HSPG2: variants seen among roughly 807,000 people sequenced by gnomAD.
The protein encoded by HSPG2 is heparan sulfate proteoglycan 2.
A neutral mutation model predicts 526.6 loss-of-function variants in HSPG2; 278 were observed. That is an observed-to-expected ratio of 0.53 (90% CI 0.48 to 0.58). The LOEUF is 0.58. HSPG2 is among the 20% of genes least tolerant of loss of function. The probability of loss-of-function intolerance (pLI) is 0.00; values close to 1 mark genes in which losing one functional copy is unlikely to be tolerated. For synonymous variants in HSPG2, 2,465 were observed against 2,555.4 expected, an observed-to-expected ratio of 0.96 and a Z score of 1.07; for missense variants, 5,354 against 6,099.5, an observed-to-expected ratio of 0.88 and a Z score of 4.07.
rs766978758 is a variant in HSPG2, at chr1:21,839,264, C to T, written c.9889+107G>A. 38 of 1,459,692 alleles carry T rather than the reference C, an allele frequency of 2.6e-5. No individual in the cohort carries two copies. The highest frequency in any genetic ancestry group is 2.9e-5 in the Non-Finnish European group (31 of 1,054,956). 90.4% of individuals were successfully genotyped at this position (1,459,692 alleles called of 1,614,324 possible). ...CAGGGCAGGCTCCAGGACCCTGCAG[C>T]GCCTGGAGACCTCTGGATGGGGTTC... On this transcript the variant is annotated intron_variant, in intron 73 of 96. Coordinates refer to ENST00000374695, the MANE Select transcript of HSPG2 (RefSeq NM_005529.7). The surrounding 1 kb of genome is among the most constrained non-coding windows in gnomAD (Gnocchi z 4.5).
chr1:21,898,636 G>A lies in HSPG2; in HGVS notation c.64-2326C>T, dbSNP rs2152775957. Among the ~76,000 whole-genome samples, 1 of 152,322 alleles carries A rather than the reference G, an allele frequency of 6.6e-6. No individual in the cohort carries two copies. The highest frequency in any genetic ancestry group is 2.1e-4 in the South Asian group (1 of 4,824). On this transcript the variant is annotated intron_variant, in intron 1 of 96. Transcript: ENST00000374695. This position sits in a 1 kb window ranked among gnomAD's most constrained non-coding sequence, Gnocchi z 4.0. ...GCGCTCTGCCTCCTTCCCTGGGTGGGGTAAAGGGCAGTGTTCCCACTGGCT... is the reference window on the plus strand; with the variant it reads ...GCGCTCTGCCTCCTTCCCTGGGTGGAGTAAAGGGCAGTGTTCCCACTGGCT...
chr1:21,933,647 A>AG (rs1557844411), intron 1 of HSPG2, among the ~76,000 whole-genome samples: 1 of 152,238 alleles, frequency 6.6e-6, no homozygotes, highest in Non-Finnish European at 1.5e-5. Context: ...CAAGCCAGGC[A>AG]GGGGCCACAA....
chr1:21,912,084 TTATTAA>T (rs1351037590), intron 1 of HSPG2, among the ~76,000 whole-genome samples: 1 of 152,158 alleles, frequency 6.6e-6, no homozygotes, highest in Non-Finnish European at 1.5e-5. Context: ...CTATCATATT[TTATTAA>T]TAAGTCAAAG....
chr1:21,827,251 A>G (rs2097980318), intron 91 of HSPG2, among the ~76,000 whole-genome samples: 1 of 152,202 alleles, frequency 6.6e-6, no homozygotes, highest in African/African-American at 2.4e-5. Flanking sequence ...ATAAAATTTT[A>G]TCCAAATCTT....
In HSPG2 at chr1:21,861,788, C is replaced by G. The variant is rs528077703; in HGVS notation, c.4924G>C (p.Glu1642Gln). Residue 1642 changes from glutamate to glutamine, a missense_variant, in exon 39 of 97, where the codon GAA (glutamate) becomes CAA (glutamine). Glu to Gln is a conservative substitution (Grantham distance 29). Coordinates refer to ENST00000374695, the MANE Select transcript of HSPG2 (RefSeq NM_005529.7). ...CAGTACTGGCCAGTGTAGCCGGGTT[C>G]GCAGGCCGTGCAGCGGTACCCGCCG... ...GAGGYRCTAC[E>Q]PGYTGQYCEQ... is the part of the protein sequence containing the mutation. 1.9e-6 allele frequency: 3 copies of G among 1,613,886 alleles called. No individual in the cohort carries two copies. The highest frequency in any genetic ancestry group is 1.7e-6 in the Non-Finnish European group (2 of 1,180,008).
rs781626513 is a variant in HSPG2, at chr1:21,879,112, G to A, written c.2353C>T (p.His785Tyr). The A allele has an allele frequency of 6.2e-7, 1 of 1,614,204 alleles. No homozygotes were observed. The highest frequency in any genetic ancestry group is 2.2e-5 in the East Asian group (1 of 44,884). ...TTGCACTGTGGCCCCTCCGTGTTGT[G>A]CTGGCAATTCTAGAAGAAGGAGGAG... ...PVYGHCLNCQ[H>Y]NTEGPQCNKC... Residue 785 changes from histidine (H) to tyrosine (Y), a missense_variant, in exon 18 of 97, where the codon CAC (histidine) becomes TAC (tyrosine). His to Tyr is a moderately conservative substitution (Grantham distance 83, BLOSUM62 2). Coordinates refer to ENST00000374695, the MANE Select transcript of HSPG2 (RefSeq NM_005529.7).
chr1:21,834,351 G>A (rs2152696256), intron 77 of HSPG2, among the ~76,000 whole-genome samples: 1 of 152,306 alleles, frequency 6.6e-6, no homozygotes, highest in South Asian at 2.1e-4. Context: ...TCTGTTTGTT[G>A]ACTGGGTTAT....
In HSPG2 at chr1:21,823,631, C is replaced by T. The variant is rs769986876; in HGVS notation, c.12988G>A (p.Gly4330Ser). The T allele has an allele frequency of 1.2e-6, 2 of 1,613,790 alleles. No individual in the cohort carries two copies. Among genetic ancestry groups the T allele is most frequent in the Non-Finnish European group, 1.7e-6 (2 of 1,179,932 alleles). Reference protein sequence around the residue: ...PGPNVAVNAKGSVYIGGAPDV... With the variant: ...PGPNVAVNAKSSVYIGGAPDV... ...CCAGACTTACCGATGTAGACGCTGC[C>T]CTTGGCGTTGACTGCCACGTTGGGA... is the stretch of plus-strand genomic sequence containing the variant. Residue 4330 changes from glycine (G) to serine (S), a missense_variant, in exon 96 of 97, where the codon GGC becomes AGC. Gly to Ser is a moderately conservative substitution (Grantham distance 56). Coordinates refer to ENST00000374695, the MANE Select transcript of HSPG2 (RefSeq NM_005529.7).
intron 44 of HSPG2, among the ~76,000 whole-genome samples, chr1:21,856,144 A>G (rs529326862): frequency 6.6e-6 from 1 of 151,978 alleles, no homozygotes; most frequent in South Asian, 2.1e-4. Flanking sequence ...TCCTACCCTG[A>G]TCCACCACAT....
rs1321291210 is a variant in HSPG2, at chr1:21,875,999, C to T, written c.3047G>A (p.Arg1016Lys). The T allele has an allele frequency of 1.9e-6, 3 of 1,614,136 alleles. No individual in the cohort carries two copies. The highest frequency in any genetic ancestry group is 1.6e-4 in the Middle Eastern group (1 of 6,062). Residue 1016 changes from arginine to lysine, a missense_variant, in exon 24 of 97, where the codon AGG becomes AAG. Coordinates refer to ENST00000374695, the MANE Select transcript of HSPG2 (RefSeq NM_005529.7). ...GGELRFTVTQ[R>K]SQPGSTPLHG... Reference sequence around the variant, plus strand: ...CAGGGGTGTGGAGCCCGGCTGGGACCTCTGGGTCACTGTGAAGCGCAGCTC... The same window carrying T: ...CAGGGGTGTGGAGCCCGGCTGGGACTTCTGGGTCACTGTGAAGCGCAGCTC...
In HSPG2 at chr1:21,827,888, C is replaced by T; in HGVS notation, c.12564G>A (p.Trp4188Ter). 1 of 1,593,978 alleles carries T rather than the reference C, an allele frequency of 6.3e-7. No homozygotes were observed. Among genetic ancestry groups the T allele is most frequent in the Non-Finnish European group, 8.5e-7 (1 of 1,170,478 alleles). The change falls in exon 91 of 97, where the codon TGG (tryptophan) becomes TGA (stop). Residue 4188 changes from tryptophan (W) to a stop codon, truncating the protein, a stop_gained. Transcript: ENST00000374695. LOFTEE classifies it high-confidence loss of function. ...GSGHGIAESD[W>*]HLEGSGGNDA... ...CATTGCCCCCGCTGCCTTCAAGATG[C>T]CAGTCGGACTCTGCTATGCCATGTC...
At chr1:21,856,777 A>G (rs1454472321) in intron 44 of HSPG2, among the ~76,000 whole-genome samples, 1 of 152,102 alleles carries the variant, frequency 6.6e-6, no homozygotes, top group Non-Finnish European at 1.5e-5. Flanking sequence ...CGCCATGTGT[A>G]GTTATCTTGC....
rs1160025543 is a variant in HSPG2 at position 21,823,612 on chromosome 1, T to A, written c.13003+4A>T. Reference sequence around the variant, plus strand: ...CCTGCCCTGAGAAGGAGCCCCAGACTTACCGATGTAGACGCTGCCCTTGGC... The same window carrying A: ...CCTGCCCTGAGAAGGAGCCCCAGACATACCGATGTAGACGCTGCCCTTGGC... On this transcript the variant is annotated splice_donor_region_variant and intron_variant, in intron 96 of 96. Coordinates refer to ENST00000374695, the MANE Select transcript of HSPG2 (RefSeq NM_005529.7). The A allele has an allele frequency of 1.2e-6, 2 of 1,613,358 alleles. No individual in the cohort carries two copies.
intron 1 of HSPG2, among the ~76,000 whole-genome samples, chr1:21,915,342 G>C (rs986371456): frequency 3.9e-5 from 6 of 152,252 alleles, no homozygotes; most frequent in African/African-American, 1.4e-4. Flanking sequence ...GAATTTCGGA[G>C]CCCGGACATG....
In HSPG2 at chr1:21,895,527, T is replaced by C. The variant is rs1642684932; in HGVS notation, c.244+395A>G. 6.6e-6 allele frequency among the ~76,000 whole-genome samples: 1 copy of C among 152,164 alleles called. No individual in the cohort carries two copies. Among genetic ancestry groups the C allele is most frequent in the Non-Finnish European group, 1.5e-5 (1 of 68,010 alleles). ...TGCCCGATTCCACAGAGCCCCTCTGTTCCACTTGTCTTTGCCTGGGATCCC... is the reference window on the plus strand; with the variant it reads ...TGCCCGATTCCACAGAGCCCCTCTGCTCCACTTGTCTTTGCCTGGGATCCC... On this transcript the variant is annotated intron_variant, in intron 3 of 96. Coordinates refer to ENST00000374695, the MANE Select transcript of HSPG2 (RefSeq NM_005529.7). The surrounding 1 kb of genome is among the most constrained non-coding windows in gnomAD (Gnocchi z 4.1).
In HSPG2 at chr1:21,824,432, G is replaced by A. The variant is rs924446449; in HGVS notation, c.12745-56C>T. On this transcript the variant is annotated intron_variant, in intron 93 of 96. Coordinates refer to ENST00000374695, the MANE Select transcript of HSPG2 (RefSeq NM_005529.7). The surrounding 1 kb of genome is among the most constrained non-coding windows in gnomAD (Gnocchi z 5.9). ...CCCAGCCTGGAGAGCAGAGGCTGCC[G>A]AGGCCAGGGGGCTCTGCTTTCCCCT... 7 of 1,604,668 alleles carry A rather than the reference G, an allele frequency of 4.4e-6. No individual in the cohort carries two copies. The South Asian group carries it at 5.5e-5, about 13-fold the overall frequency.
Position 21,865,047 on chromosome 1 carries a change from C to T in HSPG2, c.4422G>A (p.Gln1474=). ...TCAGGAGGTGCTCGCGTGTGGCCGGCTGCCCATCGGGCCGGCGCCAGAATT... is the reference window on the plus strand; with the variant it reads ...TCAGGAGGTGCTCGCGTGTGGCCGGTTGCCCATCGGGCCGGCGCCAGAATT... The part of the protein sequence containing the change: ...REEFWRRPDG[Q]PATREHLLMA... The change falls in exon 36 of 97, where the codon CAG becomes CAA. Residue 1474 remains glutamine (Q), a synonymous_variant. Coordinates refer to ENST00000374695, the MANE Select transcript of HSPG2 (RefSeq NM_005529.7). This position sits in a 1 kb window ranked among gnomAD's most constrained non-coding sequence, Gnocchi z 5.4. The T allele has an allele frequency of 3.2e-6, 5 of 1,568,734 alleles. No individual in the cohort carries two copies. Among genetic ancestry groups the T allele is most frequent in the Non-Finnish European group, 4.3e-6 (5 of 1,160,080 alleles).
At chr1:21,908,019 T>C (rs1198672422) in intron 1 of HSPG2, 6 of 688,726 alleles carry the variant, frequency 8.7e-6, no homozygotes, top group Admixed American at 7.5e-5. Flanking sequence ...ATGCTACAGA[T>C]AACACAGCAC....
Position 21,895,949 on chromosome 1 carries a change from C to CCCCGCTG in HSPG2, c.216_217insCAGCGGG (p.Asp73GlnfsTer141). 1 of 1,614,074 alleles carries CCCCGCTG rather than the reference C, an allele frequency of 6.2e-7. No homozygotes were observed. Among genetic ancestry groups the CCCCGCTG allele is most frequent in the Non-Finnish European group, 8.5e-7 (1 of 1,179,948 alleles). On this transcript the variant is annotated frameshift_variant, in exon 3 of 97. Transcript: ENST00000374695. LOFTEE classifies it high-confidence loss of function. The surrounding 1 kb of genome is among the most constrained non-coding windows in gnomAD (Gnocchi z 4.1). Reference sequence around the variant, plus strand: ...ATCTGGAAGTCCCCGCTGCCCAGGTCCCCACTGCCCAGGTCGTCTATAAGC... The same window carrying CCCCGCTG: ...ATCTGGAAGTCCCCGCTGCCCAGGTCCCCGCTGCCCACTGCCCAGGTCGTCTATAAGC...
Sources: allele counts gnomAD v4.1 joint callset (sites outside exome capture counted in the v4.1 genomes callset), GRCh38; gene constraint gnomAD v4.1.1; non-coding constraint Gnocchi (gnomAD v3.1); transcripts MANE v1.5; gene names NCBI Gene and HGNC (gene_info 2026-07-23, HGNC 2026-07-21).